Variants in NPEPPS observed in about 807,000 individuals in gnomAD.
NPEPPS encodes the protein aminopeptidase puromycin sensitive, also known as puromycin-sensitive aminopeptidase.
NPEPPS carries 14 observed loss-of-function variants against 115.5 expected under a neutral mutation model. That is an observed-to-expected ratio of 0.12 (90% confidence interval 0.08 to 0.19). The LOEUF is 0.19. NPEPPS is among the 10% of genes least tolerant of loss of function. The pLI is 1.00. For synonymous variants in NPEPPS, 285 were observed against 390.6 expected (o/e 0.73, Z 3.19); for missense variants, 523 against 1,110.8 (o/e 0.47, Z 7.52).
rs1252452295 is a variant in NPEPPS, at chr17:47,600,060, C to T, written c.1600+321C>T. Reference sequence around the variant, plus strand: ...GTCTTGAACTCCTGACCTCGAGATCCGCCTGCCTCAGCCTCCCAAAGTGTT... The same window carrying T: ...GTCTTGAACTCCTGACCTCGAGATCTGCCTGCCTCAGCCTCCCAAAGTGTT... On this transcript the variant is annotated intron_variant, in intron 14 of 22. Transcript: ENST00000322157. 4.6e-5 allele frequency among the ~76,000 whole-genome samples: 7 copies of T among 152,060 alleles called. No individual in the cohort carries two copies. The East Asian group carries it at 5.8e-4, about 13-fold the overall frequency.
intron 21 of NPEPPS, chr17:47,619,535 CA>C (rs1914412406): frequency 1.8e-6 from 1 of 561,004 alleles, no homozygotes; most frequent in African/African-American, 1.9e-5. Flanking sequence ...GCCTGGGCAA[CA>C]AGTGTGAAAC....
At chr17:47,612,385 T>A in intron 17 of NPEPPS, 75 bp from the exon 18 acceptor site, 1 of 1,494,284 alleles carries the variant, frequency 6.7e-7, no homozygotes. Context: ...AGCACAATTA[T>A]AAGATATCCA....
chr17:47,536,853 AG>A (rs1269015229), intron 1 of NPEPPS, among the ~76,000 whole-genome samples: 2 of 151,484 alleles, frequency 1.3e-5, no homozygotes, highest in Non-Finnish European at 2.9e-5. Context: ...CTGGGATTAC[AG>A]GCGCGCACCA....
intron 8 of NPEPPS, chr17:47,586,736 G>A (rs866797057): frequency 8.2e-6 from 4 of 486,048 alleles, no homozygotes; most frequent in Middle Eastern, 3.1e-4. Context: ...TTACATGTCT[G>A]TCACCACAAC....
upstream of NPEPPS, among the ~76,000 whole-genome samples, chr17:47,527,877 G>C (rs532167855): frequency 2.2e-3 from 317 of 145,556 alleles, no homozygotes; most frequent in Non-Finnish European, 3.3e-3. Context: ...TGAACCCGGG[G>C]GGCAGAGGTT....
At chr17:47,550,812 A>T (rs2143733607) in intron 2 of NPEPPS, among the ~76,000 whole-genome samples, 1 of 151,906 alleles carries the variant, frequency 6.6e-6, no homozygotes, top group South Asian at 2.1e-4. Flanking sequence ...TTTTTAGTAG[A>T]GACAGGGTTT....
At chr17:47,581,947 G>T (rs141089703) in intron 4 of NPEPPS, 2 of 152,108 alleles carry the variant, frequency 1.3e-5, no homozygotes, top group Non-Finnish European at 2.9e-5. Context: ...CGCCCACCTC[G>T]GCCTCCCAAA....
At position 47,612,516 on chromosome 17, in the gene NPEPPS, C is replaced by A; in HGVS notation, c.2152C>A (p.His718Asn). The A allele has an allele frequency of 6.2e-7, 1 of 1,613,964 alleles. No homozygotes were observed. Reference sequence around the variant, plus strand: ...TCTGGGAAAACTAGGAAAAGCAGGACATAAGGCAACGTTAGAAGAAGCCCG... The same window carrying A: ...TCTGGGAAAACTAGGAAAAGCAGGAAATAAGGCAACGTTAGAAGAAGCCCG... ...LVLGKLGKAG[H>N]KATLEEARRR... The change falls in exon 18 of 23, where the codon CAT becomes AAT. Residue 718 changes from histidine to asparagine, a missense_variant. By Grantham distance (68) the His-to-Asn change is moderately conservative (BLOSUM62 1). Transcript: ENST00000322157.
intron 1 of NPEPPS, among the ~76,000 whole-genome samples, chr17:47,540,786 A>C: frequency 6.6e-6 from 1 of 152,208 alleles, no homozygotes; most frequent in Non-Finnish European, 1.5e-5. Flanking sequence ...TAAGTGCTAA[A>C]ACAGAGACTT....
In NPEPPS at chr17:47,605,319, T is replaced by C. The variant is rs917284244; in HGVS notation, c.1876-14T>C. 8.9e-6 allele frequency: 14 copies of C among 1,566,244 alleles called. No homozygotes were observed. The highest frequency in any genetic ancestry group is 1.1e-5 in the Non-Finnish European group (13 of 1,157,250). On this transcript the variant is annotated splice_polypyrimidine_tract_variant and intron_variant, in intron 16 of 22. Coordinates refer to ENST00000322157, the MANE Select transcript of NPEPPS (RefSeq NM_006310.4). ...TTTGAAGACTAGGTTAATTTATGTT[T>C]TTTCCTATCCCAGGCTCGAGCTGGA...
intron 2 of NPEPPS, among the ~76,000 whole-genome samples, chr17:47,558,377 C>T (rs1910200903): frequency 6.6e-6 from 1 of 151,150 alleles, no homozygotes; most frequent in African/African-American, 2.4e-5. Flanking sequence ...GATCCACGTG[C>T]CTCAGCCTCC....
chr17:47,563,114 C>G (rs1278148932), intron 2 of NPEPPS, among the ~76,000 whole-genome samples: 1 of 151,742 alleles, frequency 6.6e-6, no homozygotes, highest in Non-Finnish European at 1.5e-5. Context: ...TCACTGCAAC[C>G]TCCACCTCCC....
At chr17:47,619,383 G>T in intron 21 of NPEPPS, 1 of 551,714 alleles carries the variant, frequency 1.8e-6, no homozygotes, top group Non-Finnish European at 3.3e-6. Context: ...GTGAAATCCT[G>T]TCCCTACTAA....
intron 12 of NPEPPS, among the ~76,000 whole-genome samples, chr17:47,594,288 A>G (rs1332835794): frequency 2.0e-5 from 3 of 152,206 alleles, no homozygotes; most frequent in Non-Finnish European, 4.4e-5. Context: ...TAAATACTTT[A>G]CACTTAGGCT....
At chr17:47,602,032 C>A (rs1416496249) in intron 15 of NPEPPS, 1 of 311,670 alleles carries the variant, frequency 3.2e-6, no homozygotes, top group Non-Finnish European at 6.0e-6. Context: ...TGTAGTCTCA[C>A]ACCTTCAAAC....
chr17:47,619,373 G>C, intron 21 of NPEPPS: 1 of 574,260 alleles, frequency 1.7e-6, no homozygotes, highest in Non-Finnish European at 3.1e-6. Flanking sequence ...GGCCAACATG[G>C]TGAAATCCTG....
intron 9 of NPEPPS, 53 bp downstream of exon 9, chr17:47,587,397 T>G: frequency 6.9e-7 from 1 of 1,445,626 alleles, no homozygotes; most frequent in Non-Finnish European, 9.1e-7. Context: ...CTACTCCACA[T>G]TATTTTGGCT....
rs1914648983 is a variant in NPEPPS at position 47,622,579 on chromosome 17, C to G, written c.*659C>G. 3.9e-6 allele frequency: 1 copy of G among 258,590 alleles called. No individual in the cohort carries two copies. The highest frequency in any genetic ancestry group is 7.5e-6 in the Non-Finnish European group (1 of 133,794). The allele number at this position is 258,590 out of a possible 1,614,324, so 16.0% of individuals were successfully genotyped here. On this transcript the variant is annotated 3_prime_UTR_variant, in exon 23 of 23. Coordinates refer to ENST00000322157, the MANE Select transcript of NPEPPS (RefSeq NM_006310.4). ...AAAACAAAAAGCAAAAAACAAAAACCTACCCTGTTCTGGTTTTTTTCCTCC... is the reference window on the plus strand; with the variant it reads ...AAAACAAAAAGCAAAAAACAAAAACGTACCCTGTTCTGGTTTTTTTCCTCC...
chr17:47,545,212 G>T (rs1909112801), intron 1 of NPEPPS, among the ~76,000 whole-genome samples: 5 of 151,944 alleles, frequency 3.3e-5, no homozygotes, highest in Admixed American at 3.3e-4. Context: ...GCCCAAGCTG[G>T]TCTTGAATTT....
Sources: gnomAD v4.1 joint callset for allele counts (sites outside exome capture counted in the v4.1 genomes callset) on GRCh38, gnomAD v4.1.1 for gene constraint, MANE v1.5 for transcripts, NCBI Gene and HGNC (gene_info 2026-07-23, HGNC 2026-07-21) for gene names.